Variants in NCKAP5 observed in about 807,000 individuals in gnomAD.
The protein encoded by NCKAP5 is nck-associated protein 5.
Under a neutral mutation model 167.0 loss-of-function variants are expected in NCKAP5, and 92 were observed. The observed-to-expected ratio is 0.55, with a 90% CI of 0.47 to 0.66. The LOEUF (loss-of-function observed/expected upper bound fraction) is 0.66, where lower values mean the gene tolerates loss of function less well. Among genes scored for constraint, NCKAP5 ranks in the 30% least tolerant of loss-of-function variants. The pLI, the probability that NCKAP5 is intolerant of heterozygous loss-of-function variation, is 0.00. For synonymous variants in NCKAP5, 891 were observed against 877.4 expected, an observed-to-expected ratio of 1.02 and a Z score of -0.27; for missense variants, 2,378 against 2,315.0, an observed-to-expected ratio of 1.03 and a Z score of -0.56.
chr2:132,999,155 G>A (rs2077699351), intron 6 of NCKAP5, among the ~76,000 whole-genome samples: 1 of 152,024 alleles, frequency 6.6e-6, no homozygotes, highest in African/African-American at 2.4e-5. Flanking sequence ...GGTAACATTA[G>A]GTATAAATGC....
chr2:133,651,943 C>T, the NCKAP5 span, among the ~76,000 whole-genome samples: 3 of 152,166 alleles, frequency 2.0e-5, no homozygotes, highest in South Asian at 2.1e-4. Context: ...CCTCCCTCCC[C>T]GTCTTAGGAG....
intron 6 of NCKAP5, among the ~76,000 whole-genome samples, chr2:133,034,032 G>C (rs2078965850): frequency 6.6e-6 from 1 of 151,998 alleles, no homozygotes; most frequent in Admixed American, 6.6e-5. Context: ...AGAATACCAA[G>C]CAGATTTAAC....
chr2:133,129,016 C>A (rs2082500846), intron 6 of NCKAP5, among the ~76,000 whole-genome samples: 1 of 142,842 alleles, frequency 7.0e-6, no homozygotes, highest in African/African-American at 2.6e-5. Flanking sequence ...TTTATTGAAT[C>A]ATTAGAGTCA....
At chr2:133,648,061 T>C in the NCKAP5 span, among the ~76,000 whole-genome samples, 2 of 152,030 alleles carry the variant, frequency 1.3e-5, no homozygotes, top group Non-Finnish European at 1.5e-5. Context: ...TCCATGCAAA[T>C]GGTAACCAAA....
rs1203099228 is a variant in NCKAP5, at chr2:132,782,242, C to T, written c.4569G>A (p.Arg1523=). ...CTTTGGTTTTGGAGATGTCCATTTT[C>T]CTGCTACTCAGAGCTGGAAGTCTAC... ...RKSRLPALSS[R]KMDISKTKVE... Residue 1523 remains arginine (R), a synonymous_variant, in exon 14 of 20, where the codon AGG becomes AGA. Transcript: ENST00000409261. 2.5e-6 allele frequency: 4 copies of T among 1,613,844 alleles called. No homozygotes were observed. Among genetic ancestry groups the T allele is most frequent in the Non-Finnish European group, 3.4e-6 (4 of 1,179,892 alleles).
At chr2:133,512,757 G>T (rs556502456) in intron 3 of NCKAP5, among the ~76,000 whole-genome samples, 1 of 152,186 alleles carries the variant, frequency 6.6e-6, no homozygotes. Flanking sequence ...ACCAAAGGAT[G>T]CAGGACCAAT....
Position 133,294,986 on chromosome 2 carries a change from C to T in NCKAP5, c.143+8051G>A, listed in dbSNP as rs191046558. On this transcript the variant is annotated intron_variant, in intron 4 of 19. Coordinates refer to ENST00000409261, the MANE Select transcript of NCKAP5 (RefSeq NM_207363.3). ...CCATCAGTTCCCCCGCCTTGGGAAG[C>T]AAGAGTTAAGTCTTTTACTTGGGCA... Among the ~76,000 whole-genome samples, 333 of 152,292 alleles carry T rather than the reference C, an allele frequency of 2.2e-3. 5 individuals are homozygous for T. Among genetic ancestry groups the T allele is most frequent in the Admixed American group, 5.5e-3 (84 of 15,302 alleles).
intron 4 of NCKAP5, among the ~76,000 whole-genome samples, chr2:133,257,279 T>C (rs1269712809): frequency 6.6e-6 from 1 of 152,204 alleles, no homozygotes; most frequent in African/African-American, 2.4e-5. Context: ...CCAGATACTT[T>C]ATGAAATTGC....
intron 2 of NCKAP5, among the ~76,000 whole-genome samples, chr2:133,549,829 A>G (rs1575143005): frequency 1.3e-5 from 2 of 150,262 alleles, no homozygotes; most frequent in Admixed American, 6.6e-5. Context: ...GAAAGGATCA[A>G]CAAAATTGAT....
intron 6 of NCKAP5, among the ~76,000 whole-genome samples, chr2:133,001,975 G>A (rs1199579577): frequency 6.6e-6 from 1 of 152,148 alleles, no homozygotes; most frequent in Admixed American, 6.5e-5. Flanking sequence ...GTAATCTTGA[G>A]ATGATTCAAA....
the NCKAP5 span, among the ~76,000 whole-genome samples, chr2:133,598,245 A>G: frequency 6.6e-6 from 1 of 152,230 alleles, no homozygotes; most frequent in Non-Finnish European, 1.5e-5. Context: ...ACTGTGCCAC[A>G]TAAGTGATAT....
intron 3 of NCKAP5, among the ~76,000 whole-genome samples, chr2:133,304,261 G>T: frequency 6.6e-6 from 1 of 152,266 alleles, no homozygotes; most frequent in East Asian, 1.9e-4. Context: ...GACCAGTCCT[G>T]ATTTCTTTTG....
the NCKAP5 span, among the ~76,000 whole-genome samples, chr2:133,638,442 G>A: frequency 6.6e-6 from 1 of 152,046 alleles, no homozygotes; most frequent in African/African-American, 2.4e-5. Flanking sequence ...AAAAAAATAG[G>A]GGAAAGGGAA....
chr2:133,389,725 C>CCACCCACA (rs1687262302), intron 3 of NCKAP5, among the ~76,000 whole-genome samples: 2 of 152,208 alleles, frequency 1.3e-5, no homozygotes, highest in Admixed American at 6.5e-5. Context: ...CTTGTGCACA[C>CCACCCACA]ATTCGTGTGG....
intron 16 of NCKAP5, among the ~76,000 whole-genome samples, chr2:132,736,551 T>C (rs1195416352): frequency 6.6e-6 from 1 of 150,544 alleles, no homozygotes; most frequent in Admixed American, 6.6e-5. Flanking sequence ...GAGGCCGAGG[T>C]GGGCGAATCA....
At chr2:133,616,852 A>C in the NCKAP5 span, among the ~76,000 whole-genome samples, 1 of 152,202 alleles carries the variant, frequency 6.6e-6, no homozygotes, top group Non-Finnish European at 1.5e-5. Flanking sequence ...ACAACCAAAA[A>C]AGAGAACTTT....
At chr2:133,550,210 C>G (rs1381499435) in intron 2 of NCKAP5, among the ~76,000 whole-genome samples, 6 of 141,788 alleles carry the variant, frequency 4.2e-5, no homozygotes, top group Admixed American at 1.4e-4. Context: ...CTATTCCAAT[C>G]AATAGAAAAA....
chr2:133,505,479 C>A (rs538741189), intron 3 of NCKAP5, among the ~76,000 whole-genome samples: 1 of 152,272 alleles, frequency 6.6e-6, no homozygotes, highest in East Asian at 1.9e-4. Context: ...ATCAGCTGGT[C>A]CACATGTTTC....
At chr2:133,025,640 A>T (rs1027736120) in intron 6 of NCKAP5, among the ~76,000 whole-genome samples, 1 of 152,184 alleles carries the variant, frequency 6.6e-6, no homozygotes, top group African/African-American at 2.4e-5. Context: ...CTAGAGAAAG[A>T]CAAGACCAAG....
Sources: gnomAD v4.1 joint callset for allele counts (sites outside exome capture counted in the v4.1 genomes callset) on GRCh38, gnomAD v4.1.1 for gene constraint, MANE v1.5 for transcripts, NCBI Gene and HGNC (gene_info 2026-07-23, HGNC 2026-07-21) for gene names.